Variants in EXOC2 observed in about 807,000 individuals in gnomAD.
EXOC2 encodes the protein exocyst complex component 2.
A neutral mutation model predicts 131.8 loss-of-function variants in EXOC2; 70 were observed. The observed-to-expected ratio is 0.53, with a 90% CI of 0.44 to 0.65. The LOEUF is 0.65. Among genes scored for constraint, EXOC2 ranks in the 30% least tolerant of loss-of-function variants. The pLI is 0.00. For synonymous variants in EXOC2, 411 were observed against 398.4 expected (o/e 1.03, Z -0.38); for missense variants, 923 against 1,108.6 (o/e 0.83, Z 2.38).
At chr6:656,680 G>T (rs756796060) in intron 1 of EXOC2, 1 of 1,606,670 alleles carries the variant, frequency 6.2e-7, no homozygotes. Context: ...CTCGCCGCCC[G>T]GGACAGGTGC....
chr6:680,410 T>C (rs1043821362), intron 1 of EXOC2, among the ~76,000 whole-genome samples: 13 of 152,238 alleles, frequency 8.5e-5, no homozygotes, highest in African/African-American at 2.7e-4. Context: ...GCTAGAAGGA[T>C]GCACACCAGG....
chr6:543,404 C>G (rs537806134), intron 22 of EXOC2, among the ~76,000 whole-genome samples: 1 of 152,158 alleles, frequency 6.6e-6, no homozygotes, highest in African/African-American at 2.4e-5. Flanking sequence ...GTGGAATCTA[C>G]AAAAGTCATT....
rs542025040 is a variant in EXOC2 at position 533,038 on chromosome 6, G to A, written c.2239-428C>T. On this transcript the variant is annotated intron_variant, in intron 22 of 27. Coordinates refer to ENST00000230449, the MANE Select transcript of EXOC2 (RefSeq NM_018303.6). ...GAAGGAGAAGTACCCAGTGGAAGGG[G>A]AAGAGAGCCCCTTATAAAACCATTA... Among the ~76,000 whole-genome samples, 9 of 152,258 alleles carry A rather than the reference G, an allele frequency of 5.9e-5. No homozygotes were observed. The East Asian group carries it at 1.7e-3, about 29-fold the overall frequency.
intron 23 of EXOC2, chr6:525,107 T>C (rs963893671): frequency 2.1e-4 from 32 of 152,372 alleles, no homozygotes; most frequent in African/African-American, 7.5e-4. Flanking sequence ...GAACGGTTAG[T>C]CTGATAAGTT....
intron 11 of EXOC2, among the ~76,000 whole-genome samples, chr6:578,334 G>A (rs988488589): frequency 6.6e-6 from 1 of 152,184 alleles, no homozygotes; most frequent in Non-Finnish European, 1.5e-5. Context: ...AGGAATTGCA[G>A]GCCCGGGGGA....
chr6:511,010 G>A (rs1474784667), intron 23 of EXOC2, among the ~76,000 whole-genome samples: 1 of 152,192 alleles, frequency 6.6e-6, no homozygotes, highest in Non-Finnish European at 1.5e-5. Flanking sequence ...AAGGTGTTTT[G>A]TTTTTGTTTT....
intron 11 of EXOC2, among the ~76,000 whole-genome samples, chr6:584,030 A>G (rs1759064696): frequency 6.6e-6 from 1 of 152,254 alleles, no homozygotes; most frequent in Admixed American, 6.5e-5. Context: ...AATTAACTCC[A>G]TAAAAAAAGA....
Position 666,854 on chromosome 6 carries a change from T to C in EXOC2, c.-44+26165A>G, listed in dbSNP as rs1327081464. Among the ~76,000 whole-genome samples the C allele has an allele frequency of 3.1e-5, 3 of 97,054 alleles. 1 individual carries two copies. Among genetic ancestry groups the C allele is most frequent in the Non-Finnish European group, 7.3e-5 (3 of 40,962 alleles). The allele number at this position is 97,054 out of a possible 152,430, so 63.7% of individuals were successfully genotyped here. On this transcript the variant is annotated intron_variant, in intron 1 of 27. Coordinates refer to ENST00000230449, the MANE Select transcript of EXOC2 (RefSeq NM_018303.6). ...TCCCATTTTCCCTCTTCTCTTAGCATGGCAATTATGTTCTTTTTTTTTTAA... is the reference window on the plus strand; with the variant it reads ...TCCCATTTTCCCTCTTCTCTTAGCACGGCAATTATGTTCTTTTTTTTTTAA...
chr6:544,806 C>T (rs1290763664), intron 22 of EXOC2, among the ~76,000 whole-genome samples: 1 of 152,230 alleles, frequency 6.6e-6, no homozygotes, highest in Non-Finnish European at 1.5e-5. Context: ...GGAGCTGCCC[C>T]TCCACACCTT....
chr6:507,561 G>A (rs1581330302), intron 23 of EXOC2, among the ~76,000 whole-genome samples: 1 of 152,240 alleles, frequency 6.6e-6, no homozygotes, highest in Non-Finnish European at 1.5e-5. Context: ...AGAAAGAGAG[G>A]GCTTTTGCTT....
chr6:499,040 G>GT (rs1275563046), intron 24 of EXOC2, among the ~76,000 whole-genome samples: 1 of 152,168 alleles, frequency 6.6e-6, no homozygotes, highest in Non-Finnish European at 1.5e-5. Flanking sequence ...TAACCAGGAT[G>GT]TTCACTGAGG....
At chr6:520,877 C>T (rs1173429269) in intron 23 of EXOC2, among the ~76,000 whole-genome samples, 2 of 138,344 alleles carry the variant, frequency 1.4e-5, no homozygotes, top group African/African-American at 5.6e-5. Flanking sequence ...AACCACCACC[C>T]ACCGAGCGCC....
intron 22 of EXOC2, among the ~76,000 whole-genome samples, chr6:538,525 A>G (rs567651377): frequency 2.0e-4 from 31 of 152,364 alleles, no homozygotes; most frequent in Non-Finnish European, 3.7e-4. Flanking sequence ...ACGGAGCGCT[A>G]AAGGGTCACT....
chr6:554,813 TA>T (rs1757334198), intron 20 of EXOC2, among the ~76,000 whole-genome samples: 1 of 152,206 alleles, frequency 6.6e-6, no homozygotes, highest in Admixed American at 6.5e-5. Flanking sequence ...CATCAAGAGC[TA>T]ACATGTGTCC....
chr6:606,006 G>A (rs1217991305), intron 7 of EXOC2, among the ~76,000 whole-genome samples: 1 of 152,162 alleles, frequency 6.6e-6, no homozygotes, highest in Non-Finnish European at 1.5e-5. Flanking sequence ...ATGTAGTTGA[G>A]CAGTTTTGAG....
intron 7 of EXOC2, among the ~76,000 whole-genome samples, chr6:604,193 T>C (rs986013038): frequency 6.6e-6 from 1 of 152,214 alleles, no homozygotes; most frequent in South Asian, 2.1e-4. Context: ...CTGAATGTTC[T>C]CATCTCTATG....
At chr6:619,598 A>C in intron 4 of EXOC2, 55 bp from the exon 5 acceptor site, 1 of 1,206,958 alleles carries the variant, frequency 8.3e-7, no homozygotes, top group Non-Finnish European at 1.2e-6. Flanking sequence ...ACAAAAATGG[A>C]AAAGGTATCA....
At chr6:525,453 T>C (rs1765687706) in intron 23 of EXOC2, 1 of 152,158 alleles carries the variant, frequency 6.6e-6, no homozygotes, top group Non-Finnish European at 1.5e-5. Context: ...AGTCAGCAAC[T>C]AGGACTCCTG....
At chr6:554,155 C>A (rs1757296407) in intron 20 of EXOC2, among the ~76,000 whole-genome samples, 2 of 151,970 alleles carry the variant, frequency 1.3e-5, no homozygotes, top group Non-Finnish European at 2.9e-5. Context: ...CATTCTTCTG[C>A]CTCAGCCTCC....
Sources: gnomAD v4.1 joint callset for allele counts (sites outside exome capture counted in the v4.1 genomes callset) on GRCh38, gnomAD v4.1.1 for gene constraint, MANE v1.5 for transcripts, NCBI Gene and HGNC (gene_info 2026-07-23, HGNC 2026-07-21) for gene names.